The following POLD1 variants were observed in gnomAD, a reference collection of about 807,000 sequenced individuals.
POLD1 encodes DNA polymerase delta 1, catalytic subunit, also known as DNA polymerase delta catalytic subunit.
Under a neutral mutation model 129.7 loss-of-function variants are expected in POLD1, and 79 were observed. The ratio of observed to expected loss-of-function variants is 0.61; its 90% CI spans 0.51 to 0.73. The LOEUF is 0.73. Among genes scored for constraint, POLD1 ranks in the 30% least tolerant of loss-of-function variants. The pLI is 0.00. For missense variants in POLD1, 1,338 were observed against 1,595.8 expected, an observed-to-expected ratio of 0.84 and a Z score of 2.75; for synonymous variants, 714 against 683.3, an observed-to-expected ratio of 1.04 and a Z score of -0.70.
intron 1 of POLD1, among the ~76,000 whole-genome samples, chr19:50,389,999 C>T (rs1350832844): frequency 6.6e-6 from 1 of 151,578 alleles, no homozygotes; most frequent in Non-Finnish European, 1.5e-5. Context: ...ACCTCCACCT[C>T]CCAGGTTCAA....
At chr19:50,397,897 CAG>C (rs1464045746) in intron 1 of POLD1, among the ~76,000 whole-genome samples, 1 of 152,080 alleles carries the variant, frequency 6.6e-6, no homozygotes, top group East Asian at 1.9e-4. Context: ...AACCTTGAGT[CAG>C]TGTTAAATGT....
intron 1 of POLD1, among the ~76,000 whole-genome samples, chr19:50,391,774 G>T (rs968746619): frequency 6.6e-6 from 1 of 152,000 alleles, no homozygotes; most frequent in Non-Finnish European, 1.5e-5. Context: ...GTGCAATGGC[G>T]CAATCTTGGC....
In POLD1 at chr19:50,406,076, C is replaced by T; in HGVS notation, c.1243-106C>T. ...TTCTGCCCCCAGGGTTGCTCTCGAC[C>T]CCCTAGGGTTGTTATAAGGATGTTG... On this transcript the variant is annotated intron_variant, in intron 10 of 26. Transcript: ENST00000440232. This position sits in a 1 kb window ranked among gnomAD's most constrained non-coding sequence, Gnocchi z 5.5. 1 of 1,389,906 alleles carries T rather than the reference C, an allele frequency of 7.2e-7. No individual in the cohort carries two copies. 86.1% of individuals were successfully genotyped at this position (1,389,906 alleles called of 1,614,324 possible). A position where few individuals can be genotyped will look rare whatever the true frequency, so the allele number is the denominator to read the frequency against.
In POLD1 at chr19:50,409,515, G is replaced by T. The variant is rs202035484; in HGVS notation, c.2007-4G>T. ...GAGTGTGCTTTCCCCGTGTTCCCTC[G>T]CAGGGCCAAGGCCGAGCTGGCCAAG... On this transcript the variant is annotated splice_region_variant and splice_polypyrimidine_tract_variant and intron_variant, in intron 16 of 26. Coordinates refer to ENST00000440232, the MANE Select transcript of POLD1 (RefSeq NM_002691.4). This position sits in a 1 kb window ranked among gnomAD's most constrained non-coding sequence, Gnocchi z 5.8. 5.0e-6 allele frequency: 8 copies of T among 1,613,524 alleles called. No homozygotes were observed. Among genetic ancestry groups the T allele is most frequent in the African/African-American group, 1.3e-5 (1 of 75,074 alleles).
rs192693255 is a variant in POLD1, at chr19:50,395,224, G to C, written c.-1-3627G>C. 1.1e-4 allele frequency: 13 copies of C among 122,740 alleles called. 1 individual carries two copies. The highest frequency in any genetic ancestry group is 1.6e-4 in the Non-Finnish European group (10 of 61,694). The allele number at this position is 122,740 out of a possible 1,614,324, so 7.6% of individuals were successfully genotyped here. A position where few individuals can be genotyped will look rare whatever the true frequency, so the allele number is the denominator to read the frequency against. On this transcript the variant is annotated intron_variant, in intron 1 of 26. Transcript: ENST00000440232. ...GTTGAAAGAATAAATAGTGTAGGCC[G>C]GGCGCGGTGGCTGGGTACAGGTACT...
In POLD1 at chr19:50,414,889, C is replaced by T. The variant is rs150607556; in HGVS notation, c.2463C>T (p.His821=). 8.1e-6 allele frequency: 13 copies of T among 1,608,974 alleles called. No individual in the cohort carries two copies. Among genetic ancestry groups the T allele is most frequent in the Admixed American group, 1.7e-5 (1 of 59,688 alleles). Reference sequence around the variant, plus strand: ...TCTTCTCCTCCCGGCCCGACGCCCACGACCGCATGGACTGCAAGGGCCTGG... The same window carrying T: ...TCTTCTCCTCCCGGCCCGACGCCCATGACCGCATGGACTGCAAGGGCCTGG... ...GLLFSSRPDA[H]DRMDCKGLEA... The change falls in exon 20 of 27, where the codon CAC becomes CAT. Residue 821 remains histidine, a synonymous_variant. Transcript: ENST00000440232.
intron 8 of POLD1, 146 bp downstream of exon 8, chr19:50,402,887 G>A (rs2038714359): frequency 1.5e-6 from 2 of 1,346,286 alleles, no homozygotes; most frequent in Non-Finnish European, 2.0e-6. Context: ...AGTGAGCACA[G>A]AGGGTGTGGA....
intron 1 of POLD1, among the ~76,000 whole-genome samples, chr19:50,386,614 C>T (rs1601158122): frequency 6.6e-6 from 1 of 152,226 alleles, no homozygotes; most frequent in Non-Finnish European, 1.5e-5. Context: ...GGCAGCTGGT[C>T]AGCTTGGAGG....
intron 1 of POLD1, among the ~76,000 whole-genome samples, chr19:50,391,382 C>T (rs139810357): frequency 0.098 from 14,837 of 152,022 alleles, 1,780 homozygotes; most frequent in East Asian, 0.69. Context: ...GCCGAGATCA[C>T]GCCACTGCAC....
In POLD1 at chr19:50,403,190, A is replaced by C. The variant is rs927453278; in HGVS notation, c.1108A>C (p.Ser370Arg). 3.2e-6 allele frequency: 5 copies of C among 1,561,596 alleles called. No homozygotes were observed. The highest frequency in any genetic ancestry group is 4.3e-6 in the Non-Finnish European group (5 of 1,152,430). ...CAPILGAKVQ[S>R]YEKEEDLLQA... ...CCCCATCCTGGGTGCCAAGGTGCAG[A>C]GCTACGAGAAGGAGGAGGACCTGCT... The change falls in exon 9 of 27, where the codon AGC becomes CGC. Residue 370 changes from serine (S) to arginine (R), a missense_variant. Ser to Arg is a moderately radical substitution (Grantham distance 110). Around this residue, in one of 3 missense-constraint regions of POLD1, gnomAD observed 720 missense variants for 1,002.6 expected, o/e 0.72. Transcript: ENST00000440232.
intron 1 of POLD1, among the ~76,000 whole-genome samples, chr19:50,386,931 G>A (rs1227035555): frequency 6.6e-6 from 1 of 152,198 alleles, no homozygotes; most frequent in African/African-American, 2.4e-5. Context: ...GGTGGCTAAG[G>A]CCTGTAATCC....
chr19:50,401,736 C>A (rs3219374), intron 3 of POLD1, 42 bp from the exon 4 acceptor site: 2 of 1,605,452 alleles, frequency 1.2e-6, no homozygotes, highest in African/African-American at 2.7e-5. Context: ...CCTTGGAGGA[C>A]CCTGAGAGGC....
intron 22 of POLD1, 66 bp downstream of exon 22, chr19:50,415,892 G>C: frequency 4.9e-6 from 6 of 1,222,944 alleles, no homozygotes; most frequent in Non-Finnish European, 6.7e-6. Context: ...TTCCGAGATG[G>C]GCGGGCCTGC....
intron 1 of POLD1, among the ~76,000 whole-genome samples, chr19:50,392,817 T>G (rs1336650133): frequency 6.6e-6 from 1 of 152,272 alleles, no homozygotes; most frequent in Non-Finnish European, 1.5e-5. Flanking sequence ...AAACGTTTTC[T>G]TAGACATTGT....
At chr19:50,404,186 G>C (rs2038776600) in intron 10 of POLD1, among the ~76,000 whole-genome samples, 1 of 152,108 alleles carries the variant, frequency 6.6e-6, no homozygotes, top group South Asian at 2.1e-4. Context: ...TCTCTCCTTG[G>C]CTTGCAGACG....
At position 50,413,474 on chromosome 19, in the gene POLD1, G is replaced by C. The variant is rs868025188; in HGVS notation, c.2203G>C (p.Val735Leu). The change falls in exon 18 of 27, where the codon GTG becomes CTG. Residue 735 changes from valine (V) to leucine (L), a missense_variant. Val to Leu is a conservative substitution (Grantham distance 32, BLOSUM62 1). This residue lies in a region of POLD1 where 720 missense variants were observed against 1,002.6 expected (regional missense o/e 0.72). Coordinates refer to ENST00000440232, the MANE Select transcript of POLD1 (RefSeq NM_002691.4). Reference sequence around the variant, plus strand: ...GATGATCGAGAAAACCAAGCAGCTGGTGGAGTCTAAGTACACAGTGGAGAA... The same window carrying C: ...GATGATCGAGAAAACCAAGCAGCTGCTGGAGTCTAAGTACACAGTGGAGAA... ...RQMIEKTKQL[V>L]ESKYTVENGY... 1 of 1,613,222 alleles carries C rather than the reference G, an allele frequency of 6.2e-7. No homozygotes were observed. Among genetic ancestry groups the C allele is most frequent in the South Asian group, 1.1e-5 (1 of 90,976 alleles).
intron 14 of POLD1, 139 bp from the exon 15 acceptor site, chr19:50,408,646 G>A: frequency 2.3e-6 from 3 of 1,308,144 alleles, no homozygotes; most frequent in Non-Finnish European, 2.1e-6. Context: ...GCCTCCCAAT[G>A]TGCTGGGATT....
At position 50,409,156 on chromosome 19, in the gene POLD1, G is replaced by T; in HGVS notation, c.1927G>T (p.Gly643Trp). The T allele has an allele frequency of 6.2e-7, 1 of 1,613,500 alleles. No homozygotes were observed. Among genetic ancestry groups the T allele is most frequent in the Non-Finnish European group, 8.5e-7 (1 of 1,179,562 alleles). Reference sequence around the variant, plus strand: ...GGATCAGTTCATCAGGACCCCCACCGGGGACGAGTTTGTGAAGACCTCAGT... The same window carrying T: ...GGATCAGTTCATCAGGACCCCCACCTGGGACGAGTTTGTGAAGACCTCAGT... ...TEDQFIRTPT[G>W]DEFVKTSVRK... is the part of the protein sequence containing the mutation. Residue 643 changes from glycine to tryptophan, a missense_variant, in exon 16 of 27, where the codon GGG becomes TGG. This residue lies in a region of POLD1 where 720 missense variants were observed against 1,002.6 expected (regional missense o/e 0.72). Transcript: ENST00000440232. The surrounding 1 kb of genome is among the most constrained non-coding windows in gnomAD (Gnocchi z 5.8).
chr19:50,414,175 A>AT, intron 19 of POLD1, among the ~76,000 whole-genome samples: 1 of 152,332 alleles, frequency 6.6e-6, no homozygotes, highest in African/African-American at 2.4e-5. Flanking sequence ...AGGGACCCTG[A>AT]TGGGGGTGCA....
Sources: allele counts gnomAD v4.1 joint callset (sites outside exome capture counted in the v4.1 genomes callset), GRCh38; gene constraint gnomAD v4.1.1; regional missense constraint gnomAD v4.1.1; non-coding constraint Gnocchi (gnomAD v3.1); transcripts MANE v1.5; gene names NCBI Gene and HGNC (gene_info 2026-07-23, HGNC 2026-07-21).